Variants in DCAF5 observed in about 807,000 individuals in gnomAD.
DCAF5 encodes the protein DDB1- and CUL4-associated factor 5.
DCAF5 carries 9 observed loss-of-function variants against 80.7 expected under a neutral mutation model. The observed-to-expected ratio is 0.11, with a 90% confidence interval of 0.07 to 0.19. The LOEUF (loss-of-function observed/expected upper bound fraction) is 0.19, where lower values mean the gene tolerates loss of function less well. DCAF5 is among the 10% of genes least tolerant of loss of function. The pLI is 1.00. For synonymous variants in DCAF5, 433 were observed against 461.9 expected (o/e 0.94, Z 0.80); for missense variants, 842 against 1,205.7 (o/e 0.70, Z 4.47).
chr14:69,139,413 T>C (rs1302049425), intron 1 of DCAF5, among the ~76,000 whole-genome samples: 1 of 151,908 alleles, frequency 6.6e-6, no homozygotes. Flanking sequence ...GGCAGGAGGA[T>C]CAATTAAGCT....
rs866287993 is a variant in DCAF5, at chr14:69,085,122, G to A, written c.879+6552C>T. ...CTTTTTTCATAAGTCAGCTCAGGAA[G>A]CATATAAATCATACATACAAACCTA... On this transcript the variant is annotated intron_variant, in intron 6 of 8. Transcript: ENST00000341516. The A allele has an allele frequency of 7.1e-5, 57 of 806,480 alleles. No individual in the cohort carries two copies. The African/African-American group carries it at 9.1e-4, about 13-fold the overall frequency. The allele number at this position is 806,480 out of a possible 1,614,324, so 50.0% of individuals were successfully genotyped here. A position where few individuals can be genotyped will look rare whatever the true frequency, so the allele number is the denominator to read the frequency against.
At chr14:69,088,124 C>A (rs1200697494) in intron 6 of DCAF5, among the ~76,000 whole-genome samples, 1 of 152,200 alleles carries the variant, frequency 6.6e-6, no homozygotes, top group Non-Finnish European at 1.5e-5. Flanking sequence ...GGGCTCTCCA[C>A]AATCCCCACC....
At chr14:69,107,064 T>A (rs4335717) in intron 5 of DCAF5, among the ~76,000 whole-genome samples, 1 of 151,202 alleles carries the variant, frequency 6.6e-6, no homozygotes, top group East Asian at 1.9e-4. Context: ...AATAATTAAA[T>A]AATTAAATAA....
At chr14:69,146,214 A>G (rs772897101) in intron 1 of DCAF5, among the ~76,000 whole-genome samples, 7 of 152,226 alleles carry the variant, frequency 4.6e-5, no homozygotes, top group Non-Finnish European at 1.0e-4. Flanking sequence ...TCAAATTAAA[A>G]ATGATCCTTT....
chr14:69,151,711 G>A (rs1469966537), intron 1 of DCAF5, among the ~76,000 whole-genome samples: 3 of 152,022 alleles, frequency 2.0e-5, no homozygotes, highest in Non-Finnish European at 1.5e-5. Context: ...CGACGGCGGC[G>A]AGCGCCCCCA....
chr14:69,070,790 C>CTTTTTTTTTTTT (rs67836121), intron 7 of DCAF5, among the ~76,000 whole-genome samples: 3 of 144,386 alleles, frequency 2.1e-5, no homozygotes, highest in Non-Finnish European at 4.6e-5. Flanking sequence ...TTTTATTTTT[C>CTTTTTTTTTTTT]TTTTTTTTTT....
At chr14:69,057,348 A>ATTT (rs11483352) in intron 8 of DCAF5, among the ~76,000 whole-genome samples, 2 of 148,016 alleles carry the variant, frequency 1.4e-5, no homozygotes, top group East Asian at 2.0e-4. Context: ...AGCCCTTAGG[A>ATTT]TTTTTTTTTT....
At position 69,116,333 on chromosome 14, in the gene DCAF5, A is replaced by G. The variant is rs551993824; in HGVS notation, c.665+33T>C. 37 of 1,590,882 alleles carry G rather than the reference A, an allele frequency of 2.3e-5. 2 individuals are homozygous for G. In the East Asian group the frequency reaches 2.9e-4, roughly 13 times the overall value. ...ATTACCTGAGAAATGAGGCAGAGGA[A>G]AGTTTTAACACCTATGAATAAAGGG... is the stretch of plus-strand genomic sequence containing the variant. On this transcript the variant is annotated intron_variant, in intron 5 of 8. Coordinates refer to ENST00000341516, the MANE Select transcript of DCAF5 (RefSeq NM_003861.3).
intron 6 of DCAF5, among the ~76,000 whole-genome samples, chr14:69,091,331 T>C (rs1487513654): frequency 1.3e-5 from 2 of 152,202 alleles, no homozygotes; most frequent in Non-Finnish European, 2.9e-5. Context: ...TTTTTTTTAA[T>C]GTCTCTCTCA....
intron 5 of DCAF5, among the ~76,000 whole-genome samples, chr14:69,110,876 C>CAAAAAA (rs35812611): frequency 4.4e-5 from 2 of 45,528 alleles, no homozygotes; most frequent in African/African-American, 2.0e-4. Flanking sequence ...GACCCTGTCT[C>CAAAAAA]AAAAAAAAAA....
intron 1 of DCAF5, among the ~76,000 whole-genome samples, chr14:69,136,824 G>A (rs895877213): frequency 6.6e-6 from 1 of 152,110 alleles, no homozygotes; most frequent in African/African-American, 2.4e-5. Flanking sequence ...CCAAAATGTC[G>A]GTAATGTTCA....
chr14:69,062,370 G>C lies in DCAF5; in HGVS notation c.1074+14C>G. ...AGAATTTCTCTAAAAGGACAGAAGGGGAAGGTGCCTCACCTTGATAATCTT... is the reference window on the plus strand; with the variant it reads ...AGAATTTCTCTAAAAGGACAGAAGGCGAAGGTGCCTCACCTTGATAATCTT... On this transcript the variant is annotated intron_variant, in intron 8 of 8. Transcript: ENST00000341516. 1.2e-6 allele frequency: 2 copies of C among 1,611,884 alleles called. No individual in the cohort carries two copies. The highest frequency in any genetic ancestry group is 1.7e-4 in the Middle Eastern group (1 of 6,050).
At position 69,152,038 on chromosome 14, in the gene DCAF5, G is replaced by T. The variant is rs1252810597; in HGVS notation, c.214+727C>A. 6.6e-6 allele frequency among the ~76,000 whole-genome samples: 1 copy of T among 152,168 alleles called. No homozygotes were observed. Among genetic ancestry groups the T allele is most frequent in the East Asian group, 1.9e-4 (1 of 5,182 alleles). ...TCTCCCGGGGGTCCCCCACCCTACC[G>T]CCTGCCTCGCAAGTTGCGCATTCAA... On this transcript the variant is annotated intron_variant, in intron 1 of 8. Coordinates refer to ENST00000341516, the MANE Select transcript of DCAF5 (RefSeq NM_003861.3). The surrounding 1 kb of genome is among the most constrained non-coding windows in gnomAD (Gnocchi z 4.1).
At position 69,055,525 on chromosome 14, in the gene DCAF5, T is replaced by C; in HGVS notation, c.1161A>G (p.Glu387=). The change falls in exon 9 of 9, where the codon GAA becomes GAG. Residue 387 remains glutamate (E), a synonymous_variant. Transcript: ENST00000341516. This position sits in a 1 kb window ranked among gnomAD's most constrained non-coding sequence, Gnocchi z 5.6. ...TGTTCAGCACAAGGCTGATGTACTC[T>C]TCATGGGTATAGAGGCAGCGGGAAT... The part of the protein sequence containing the change: ...EDDSRCLYTH[E]EYISLVLNSG... 2.5e-6 allele frequency: 4 copies of C among 1,614,210 alleles called. No individual in the cohort carries two copies. The highest frequency in any genetic ancestry group is 3.4e-6 in the Non-Finnish European group (4 of 1,180,032).
At chr14:69,142,567 A>C (rs933474616) in intron 1 of DCAF5, among the ~76,000 whole-genome samples, 3 of 152,042 alleles carry the variant, frequency 2.0e-5, no homozygotes, top group African/African-American at 7.3e-5. Context: ...AAACAGGCTT[A>C]TCATCTGGTC....
intron 1 of DCAF5, among the ~76,000 whole-genome samples, chr14:69,140,493 C>T (rs1445024821): frequency 6.6e-6 from 1 of 152,078 alleles, no homozygotes; most frequent in Non-Finnish European, 1.5e-5. Flanking sequence ...ATGACTGTAA[C>T]ATGGTTTTAA....
intron 4 of DCAF5, among the ~76,000 whole-genome samples, chr14:69,117,867 T>C (rs1055414761): frequency 3.3e-5 from 5 of 152,142 alleles, no homozygotes; most frequent in Non-Finnish European, 7.4e-5. Context: ...GCACCACAAC[T>C]TCTGCTCCTT....
intron 7 of DCAF5, among the ~76,000 whole-genome samples, chr14:69,071,613 A>C: frequency 6.6e-6 from 1 of 152,198 alleles, no homozygotes; most frequent in African/African-American, 2.4e-5. Context: ...GGGAGGGGGA[A>C]GAGGGAGAGA....
chr14:69,057,071 G>T (rs1333012514), intron 8 of DCAF5, among the ~76,000 whole-genome samples: 1 of 152,160 alleles, frequency 6.6e-6, no homozygotes, highest in African/African-American at 2.4e-5. Flanking sequence ...ACTCTTAGAG[G>T]TTCTGATTCA....
Sources: allele counts gnomAD v4.1 joint callset (sites outside exome capture counted in the v4.1 genomes callset), GRCh38; gene constraint gnomAD v4.1.1; non-coding constraint Gnocchi (gnomAD v3.1); transcripts MANE v1.5; gene names NCBI Gene and HGNC (gene_info 2026-07-23, HGNC 2026-07-21).